The following NBEA variants were observed in gnomAD, a reference collection of about 807,000 sequenced individuals.
The protein encoded by NBEA is neurobeachin.
NBEA carries 44 observed loss-of-function variants against 343.4 expected under a neutral mutation model. The ratio of observed to expected loss-of-function variants is 0.13; its 90% CI spans 0.10 to 0.16. The LOEUF (loss-of-function observed/expected upper bound fraction) is 0.16, where lower values mean the gene tolerates loss of function less well. NBEA is among the 10% of genes least tolerant of loss of function. NBEA has a pLI of 1.00. For missense variants in NBEA, 2,555 were observed against 3,631.3 expected, an observed-to-expected ratio of 0.70 and a Z score of 7.62; for synonymous variants, 1,175 against 1,238.7, an observed-to-expected ratio of 0.95 and a Z score of 1.08.
At chr13:35,613,090 T>C (rs148495555) in intron 48 of NBEA, among the ~76,000 whole-genome samples, 3,432 of 149,168 alleles carry the variant, frequency 0.023, 56 homozygotes, top group Non-Finnish European at 0.035. Flanking sequence ...TATATATATT[T>C]ACATATATAT....
At chr13:35,419,880 C>G (rs1281221889) in intron 38 of NBEA, among the ~76,000 whole-genome samples, 12 of 151,870 alleles carry the variant, frequency 7.9e-5, no homozygotes, top group Non-Finnish European at 1.8e-4. Flanking sequence ...AGGGTATAGC[C>G]CATTATCTTT....
intron 10 of NBEA, among the ~76,000 whole-genome samples, chr13:35,095,052 A>G (rs1436980524): frequency 1.3e-5 from 2 of 151,936 alleles, no homozygotes; most frequent in Non-Finnish European, 2.9e-5. Context: ...TTGAATAGCC[A>G]GTTTATGTCT....
chr13:35,022,973 C>G (rs2061899894), intron 1 of NBEA, among the ~76,000 whole-genome samples: 2 of 151,960 alleles, frequency 1.3e-5, no homozygotes, highest in South Asian at 4.1e-4. Flanking sequence ...ATTAATAACT[C>G]AAGAGCTTTA....
At chr13:35,014,822 G>C (rs2061596254) in intron 1 of NBEA, among the ~76,000 whole-genome samples, 2 of 151,992 alleles carry the variant, frequency 1.3e-5, no homozygotes, top group Admixed American at 1.3e-4. Flanking sequence ...CCAGGCCTTG[G>C]CTGCAGCAGT....
chr13:35,336,829 A>G (rs1302127193), intron 36 of NBEA, among the ~76,000 whole-genome samples: 2 of 152,022 alleles, frequency 1.3e-5, no homozygotes, highest in Non-Finnish European at 2.9e-5. Flanking sequence ...AAAACACATG[A>G]TACTAGGAGG....
intron 38 of NBEA, among the ~76,000 whole-genome samples, chr13:35,430,653 G>A (rs550739254): frequency 1.4e-4 from 22 of 152,116 alleles, no homozygotes; most frequent in Admixed American, 2.6e-4. Context: ...AGAAGAATAG[G>A]GAAGAGTATG....
At chr13:35,256,041 G>A (rs2032554838) in intron 34 of NBEA, among the ~76,000 whole-genome samples, 1 of 152,026 alleles carries the variant, frequency 6.6e-6, no homozygotes, top group South Asian at 2.1e-4. Flanking sequence ...CCTTTCCACA[G>A]GCAAGTAGTC....
intron 34 of NBEA, among the ~76,000 whole-genome samples, chr13:35,262,209 A>G (rs1357600287): frequency 6.6e-6 from 1 of 152,016 alleles, no homozygotes; most frequent in African/African-American, 2.4e-5. Context: ...CATCTCATCC[A>G]TGGTTGTCAT....
chr13:35,650,000 TTCTA>T (rs1428368821), intron 52 of NBEA, among the ~76,000 whole-genome samples, 153 bp downstream of exon 52: 3 of 152,226 alleles, frequency 2.0e-5, no homozygotes, highest in Non-Finnish European at 2.9e-5. Context: ...ACTAAGGGAC[TTCTA>T]TCTGTCTCCT....
At chr13:35,626,009 T>C (rs1042074959) in intron 48 of NBEA, among the ~76,000 whole-genome samples, 1 of 152,130 alleles carries the variant, frequency 6.6e-6, no homozygotes, top group African/African-American at 2.4e-5. Context: ...GGGGCATTTA[T>C]CACAGGCTTG....
chr13:35,618,532 G>A (rs201164329), intron 48 of NBEA, among the ~76,000 whole-genome samples: 1 of 43,592 alleles, frequency 2.3e-5, no homozygotes, highest in Admixed American at 1.5e-4. Flanking sequence ...GTTATGTTTC[G>A]CTGTGAAATA....
At chr13:35,257,292 G>A (rs548981785) in intron 34 of NBEA, among the ~76,000 whole-genome samples, 79 of 152,288 alleles carry the variant, frequency 5.2e-4, no homozygotes, top group Non-Finnish European at 9.4e-4. Context: ...GGAAAAATAT[G>A]TTTTTGGATG....
intron 1 of NBEA, among the ~76,000 whole-genome samples, chr13:34,955,046 G>T (rs552150010): frequency 6.6e-6 from 1 of 152,226 alleles, no homozygotes; most frequent in African/African-American, 2.4e-5. Context: ...TTGCATAGAT[G>T]AGGAAACTGA....
intron 28 of NBEA, among the ~76,000 whole-genome samples, chr13:35,178,896 A>AT (rs1402744714): frequency 6.6e-6 from 1 of 151,296 alleles, no homozygotes; most frequent in Admixed American, 6.6e-5. Context: ...TGTGAAAAGG[A>AT]TTTTTTTTAA....
At chr13:35,165,354 C>T (rs1021124158) in intron 24 of NBEA, among the ~76,000 whole-genome samples, 1 of 152,156 alleles carries the variant, frequency 6.6e-6, no homozygotes, top group African/African-American at 2.4e-5. Flanking sequence ...ACACACTTTC[C>T]CCAGGCCTTA....
At position 35,567,028 on chromosome 13, in the gene NBEA, A is replaced by G. The variant is rs746213741; in HGVS notation, c.7035+11A>G. The G allele has an allele frequency of 1.4e-6, 2 of 1,446,526 alleles. No individual in the cohort carries two copies. Among genetic ancestry groups the G allele is most frequent in the South Asian group, 2.3e-5 (2 of 86,664 alleles). The allele number at this position is 1,446,526 out of a possible 1,614,324, so 89.6% of individuals were successfully genotyped here. ...AGGGATCTATCAAAGGTAACTTTTAAATATATAGAAGTCAGCTTTCTTCAT... is the reference window on the plus strand; with the variant it reads ...AGGGATCTATCAAAGGTAACTTTTAGATATATAGAAGTCAGCTTTCTTCAT... On this transcript the variant is annotated intron_variant, in intron 45 of 58. Transcript: ENST00000379939.
At chr13:35,360,436 C>T (rs1336652145) in intron 38 of NBEA, among the ~76,000 whole-genome samples, 2 of 151,944 alleles carry the variant, frequency 1.3e-5, no homozygotes, top group African/African-American at 2.4e-5. Context: ...CAGTGTACTA[C>T]AAGGTAATAT....
At chr13:35,553,168 A>C (rs558724223) in intron 43 of NBEA, among the ~76,000 whole-genome samples, 1 of 152,298 alleles carries the variant, frequency 6.6e-6, no homozygotes, top group Admixed American at 6.5e-5. Flanking sequence ...CTGGGATTAC[A>C]GGCAACAGTC....
intron 44 of NBEA, among the ~76,000 whole-genome samples, chr13:35,555,995 G>A (rs999011995): frequency 2.6e-5 from 4 of 151,688 alleles, no homozygotes; most frequent in Non-Finnish European, 4.4e-5. Flanking sequence ...TATTAAATGC[G>A]GGTAATATAG....
Sources: gnomAD v4.1 joint callset for allele counts (sites outside exome capture counted in the v4.1 genomes callset) on GRCh38, gnomAD v4.1.1 for gene constraint, MANE v1.5 for transcripts, NCBI Gene and HGNC (gene_info 2026-07-23, HGNC 2026-07-21) for gene names.